LRMDA: variants seen among roughly 807,000 people sequenced by gnomAD.
The protein encoded by LRMDA is leucine-rich melanocyte differentiation-associated protein.
Under a neutral mutation model 29.8 loss-of-function variants are expected in LRMDA, and 18 were observed. The ratio of observed to expected loss-of-function variants is 0.60; its 90% CI spans 0.42 to 0.90. LRMDA has a LOEUF of 0.90. Among genes scored for constraint, LRMDA ranks in the 40% least tolerant of loss-of-function variants. The pLI is 0.00. For synonymous variants in LRMDA, 125 were observed against 109.4 expected (o/e 1.14, Z -0.89); for missense variants, 273 against 273.9 (o/e 1.00, Z 0.02).
At chr10:76,017,349 C>T (rs1472574475) in intron 2 of LRMDA, among the ~76,000 whole-genome samples, 1 of 152,200 alleles carries the variant, frequency 6.6e-6, no homozygotes, top group African/African-American at 2.4e-5. Context: ...CAGACCCTCC[C>T]CTAGTGCCTT....
intron 5 of LRMDA, among the ~76,000 whole-genome samples, chr10:76,173,578 C>A (rs1208934645): frequency 6.6e-6 from 1 of 152,130 alleles, no homozygotes; most frequent in Non-Finnish European, 1.5e-5. Flanking sequence ...ATAAGTTTGA[C>A]AACTTGGATA....
At chr10:75,993,600 G>T (rs537392933) in intron 2 of LRMDA, among the ~76,000 whole-genome samples, 26 of 152,076 alleles carry the variant, frequency 1.7e-4, no homozygotes, top group Non-Finnish European at 2.9e-4. Flanking sequence ...AGGCGTGATG[G>T]TGGGTGCCTG....
intron 2 of LRMDA, among the ~76,000 whole-genome samples, chr10:75,718,450 G>A (rs1842528213): frequency 6.6e-6 from 1 of 152,242 alleles, no homozygotes; most frequent in South Asian, 2.1e-4. Flanking sequence ...ACCGAATGAA[G>A]TCTTGTGGCC....
intron 2 of LRMDA, among the ~76,000 whole-genome samples, chr10:76,012,319 A>G (rs781251728): frequency 6.6e-6 from 1 of 152,164 alleles, no homozygotes; most frequent in Non-Finnish European, 1.5e-5. Context: ...TGTCAGGGCT[A>G]TACTTTTGTT....
intron 5 of LRMDA, among the ~76,000 whole-genome samples, chr10:76,305,035 G>A (rs1382816591): frequency 1.3e-5 from 2 of 152,190 alleles, no homozygotes; most frequent in East Asian, 3.9e-4. Flanking sequence ...GTTTCCTTGT[G>A]AATCTTCGTG....
intron 2 of LRMDA, among the ~76,000 whole-genome samples, chr10:75,531,221 C>T (rs998233671): frequency 6.6e-6 from 1 of 152,116 alleles, no homozygotes; most frequent in Non-Finnish European, 1.5e-5. Context: ...TATAATACAG[C>T]AGGACGAGTG....
chr10:75,979,683 G>A (rs968635793), intron 2 of LRMDA, among the ~76,000 whole-genome samples: 2 of 151,740 alleles, frequency 1.3e-5, no homozygotes, highest in Non-Finnish European at 2.9e-5. Context: ...GGATGTCAAG[G>A]ACCCCTTCAT....
intron 5 of LRMDA, among the ~76,000 whole-genome samples, chr10:76,069,977 A>C (rs1848849375): frequency 6.6e-6 from 1 of 151,884 alleles, no homozygotes; most frequent in Non-Finnish European, 1.5e-5. Flanking sequence ...GACTGGGCCC[A>C]CTCCAAGTTT....
At chr10:75,701,777 C>T (rs564044645) in intron 2 of LRMDA, among the ~76,000 whole-genome samples, 11 of 152,230 alleles carry the variant, frequency 7.2e-5, no homozygotes, top group Admixed American at 3.9e-4. Context: ...GTAGTGGGTT[C>T]TGTTTCATTG....
At chr10:76,144,405 C>A (rs1220871062) in intron 5 of LRMDA, among the ~76,000 whole-genome samples, 1 of 152,094 alleles carries the variant, frequency 6.6e-6, no homozygotes, top group African/African-American at 2.4e-5. Context: ...AGAGGTCCTT[C>A]ACATCCCTTG....
intron 2 of LRMDA, among the ~76,000 whole-genome samples, chr10:76,029,234 G>C (rs1160718960): frequency 6.6e-6 from 1 of 152,100 alleles, no homozygotes; most frequent in African/African-American, 2.4e-5. Context: ...TTGAGAATCT[G>C]TATTACATTT....
chr10:75,514,163 TG>T (rs1486830509), intron 2 of LRMDA, among the ~76,000 whole-genome samples: 9 of 75,668 alleles, frequency 1.2e-4, no homozygotes, highest in African/African-American at 3.2e-4. Context: ...CTCCTTTACC[TG>T]TTTTTTTTTT....
At chr10:76,374,570 A>T (rs1026518062) in intron 6 of LRMDA, among the ~76,000 whole-genome samples, 13 of 152,216 alleles carry the variant, frequency 8.5e-5, no homozygotes, top group Admixed American at 1.3e-4. Context: ...TCCCAAGAAG[A>T]CACCAACGCT....
At chr10:75,804,442 A>C (rs1235808394) in intron 2 of LRMDA, among the ~76,000 whole-genome samples, 1 of 152,272 alleles carries the variant, frequency 6.6e-6, no homozygotes, top group African/African-American at 2.4e-5. Flanking sequence ...AAGCAAGCGC[A>C]GAGTGACTGG....
intron 6 of LRMDA, among the ~76,000 whole-genome samples, chr10:76,433,464 C>T (rs753640948): frequency 1.3e-5 from 2 of 152,198 alleles, no homozygotes; most frequent in African/African-American, 2.4e-5. Context: ...TGGGGAGGAC[C>T]TGGCGTGCAT....
chr10:75,797,193 TGTTAA>T (rs769998840), intron 2 of LRMDA, among the ~76,000 whole-genome samples: 36 of 152,282 alleles, frequency 2.4e-4, no homozygotes, highest in African/African-American at 7.0e-4. Context: ...GTGTCAGTTT[TGTTAA>T]GTTAATTTTT....
rs532361969 is a variant in LRMDA, at chr10:76,444,765, G to A, written c.602-112444G>A. On this transcript the variant is annotated intron_variant, in intron 6 of 6. Coordinates refer to ENST00000611255, the MANE Select transcript of LRMDA (RefSeq NM_001305581.2). ...AAACTCTCTAAAATGCTTAGGCCAG[G>A]AAGAAGGACAATGGGGAAAAAAAGT... Among the ~76,000 whole-genome samples, 4 of 152,272 alleles carry A rather than the reference G, an allele frequency of 2.6e-5. No homozygotes were observed. In the East Asian group the frequency reaches 7.7e-4, roughly 29 times the overall value.
intron 3 of LRMDA, among the ~76,000 whole-genome samples, chr10:76,042,797 T>A (rs1008805437): frequency 6.6e-6 from 1 of 152,222 alleles, no homozygotes; most frequent in African/African-American, 2.4e-5. Flanking sequence ...ATTGATTTTT[T>A]AAAATAGTTT....
chr10:76,518,524 A>G (rs531435161), intron 6 of LRMDA, among the ~76,000 whole-genome samples: 1 of 152,262 alleles, frequency 6.6e-6, no homozygotes, highest in South Asian at 2.1e-4. Flanking sequence ...GACATTTGTA[A>G]GACGTGCTGT....
Sources: gnomAD v4.1 joint callset for allele counts (sites outside exome capture counted in the v4.1 genomes callset) on GRCh38, gnomAD v4.1.1 for gene constraint, MANE v1.5 for transcripts, NCBI Gene and HGNC (gene_info 2026-07-23, HGNC 2026-07-21) for gene names.